DST: variants seen among roughly 807,000 people sequenced by gnomAD.
The protein encoded by DST is dystonin, also known as bullous pemphigoid antigen.
A neutral mutation model predicts 875.2 loss-of-function variants in DST; 253 were observed. The observed-to-expected ratio is 0.29, with a 90% CI of 0.26 to 0.32. DST has a LOEUF of 0.32. Among genes scored for constraint, DST ranks in the 10% least tolerant of loss-of-function variants. DST has a pLI of 1.00. For missense variants in DST, 8,287 were observed against 9,111.6 expected (o/e 0.91, Z 3.68); for synonymous variants, 3,124 against 3,197.1 (o/e 0.98, Z 0.77).
intron 69 of DST, among the ~76,000 whole-genome samples, chr6:56,521,593 C>A (rs1447256468): frequency 1.1e-5 from 1 of 91,842 alleles, no homozygotes; most frequent in African/African-American, 4.3e-5. Context: ...AACATTTGCT[C>A]TGCTAAGGAA....
intron 4 of DST, among the ~76,000 whole-genome samples, chr6:56,813,536 C>A (rs1296729233): frequency 6.6e-6 from 1 of 152,070 alleles, no homozygotes; most frequent in Non-Finnish European, 1.5e-5. Context: ...TATTCCAGTT[C>A]TTTTACCTAC....
intron 4 of DST, among the ~76,000 whole-genome samples, chr6:56,768,895 C>G (rs2099641701): frequency 6.6e-6 from 1 of 152,000 alleles, no homozygotes; most frequent in Non-Finnish European, 1.5e-5. Context: ...ATGGTGAAAC[C>G]CCATCTCTAC....
At chr6:56,544,525 AT>A (rs1362034200) in intron 61 of DST, among the ~76,000 whole-genome samples, 2 of 152,212 alleles carry the variant, frequency 1.3e-5, no homozygotes, top group Non-Finnish European at 2.9e-5. Flanking sequence ...ATTCAAAAAA[AT>A]AGCACTCACT....
intron 39 of DST, among the ~76,000 whole-genome samples, chr6:56,609,620 G>A (rs926499664): frequency 6.6e-6 from 1 of 152,162 alleles, no homozygotes; most frequent in Non-Finnish European, 1.5e-5. Context: ...CAAGGTTAGT[G>A]AGGACACAAC....
intron 4 of DST, chr6:56,842,918 G>A: frequency 1.2e-6 from 1 of 819,142 alleles, no homozygotes; most frequent in Non-Finnish European, 1.7e-6. Context: ...CGTGCAAAAA[G>A]ACCTGGTCCA....
intron 4 of DST, among the ~76,000 whole-genome samples, chr6:56,776,705 G>C (rs1046947675): frequency 1.3e-5 from 2 of 151,966 alleles, no homozygotes; most frequent in Non-Finnish European, 2.9e-5. Context: ...TGAAAAAGAG[G>C]ACTGCAGACT....
chr6:56,511,454 A>G, intron 72 of DST, 54 bp from the exon 73 acceptor site: 1 of 1,464,290 alleles, frequency 6.8e-7, no homozygotes, highest in Non-Finnish European at 9.3e-7. Context: ...TCCATATTAC[A>G]GCTGTCTACA....
chr6:56,627,800 G>C (rs2152752772), intron 33 of DST, among the ~76,000 whole-genome samples, 199 bp downstream of exon 33: 1 of 152,228 alleles, frequency 6.6e-6, no homozygotes, highest in South Asian at 2.1e-4. Context: ...GATTACCCAT[G>C]CTTTCAAAAA....
At chr6:56,841,720 A>G (rs572346945) in intron 4 of DST, among the ~76,000 whole-genome samples, 1 of 152,302 alleles carries the variant, frequency 6.6e-6, no homozygotes, top group African/African-American at 2.4e-5. Flanking sequence ...TTCTTCAATA[A>G]GGTTTGTTGG....
At position 56,745,416 on chromosome 6, in the gene DST, C is replaced by T. The variant is rs1473657868; in HGVS notation, c.626-10127G>A. Among the ~76,000 whole-genome samples, 3 of 152,114 alleles carry T rather than the reference C, an allele frequency of 2.0e-5. No homozygotes were observed. The East Asian group carries it at 5.8e-4, about 29-fold the overall frequency. On this transcript the variant is annotated intron_variant, in intron 4 of 103. Transcript: ENST00000680361. Reference sequence around the variant, plus strand: ...CAAGAGAAGTGTGGAAATAACAAGTCCAACACACAGCTACAGTAAAATCTT... The same window carrying T: ...CAAGAGAAGTGTGGAAATAACAAGTTCAACACACAGCTACAGTAAAATCTT...
rs1333130814 is a variant in DST at position 56,603,305 on chromosome 6, A to C, written c.11057T>G (p.Leu3686Trp). 2 of 1,611,116 alleles carry C rather than the reference A, an allele frequency of 1.2e-6. No individual in the cohort carries two copies. The highest frequency in any genetic ancestry group is 2.2e-5 in the South Asian group (2 of 90,910). ...CTTCAAACTCTGGTGGCTAATACTC[A>C]ATTCTTCAACATGGCCTCTGGGAAA... ...SDFPRGHVEE[L>W]SISHQSLKTA... is the part of the protein sequence containing the mutation. The change falls in exon 42 of 104, where the codon TTG (leucine) becomes TGG (tryptophan). Residue 3686 changes from leucine (L) to tryptophan (W), a missense_variant. Leu to Trp is a moderately conservative substitution (Grantham distance 61, BLOSUM62 -2). Coordinates refer to ENST00000680361, the MANE Select transcript of DST (RefSeq NM_001374736.1).
At chr6:56,803,618 A>G (rs2099749860) in intron 4 of DST, among the ~76,000 whole-genome samples, 1 of 152,196 alleles carries the variant, frequency 6.6e-6, no homozygotes, top group Admixed American at 6.5e-5. Context: ...ATGCTTTTCC[A>G]ACTCGTACAA....
intron 4 of DST, among the ~76,000 whole-genome samples, chr6:56,739,895 G>A (rs2099540289): frequency 6.6e-6 from 1 of 152,116 alleles, no homozygotes; most frequent in South Asian, 2.1e-4. Context: ...AGCCCTCAGG[G>A]CTGCTATGTC....
intron 5 of DST, among the ~76,000 whole-genome samples, chr6:56,704,573 GA>G (rs1160188814): frequency 1.3e-5 from 2 of 152,150 alleles, no homozygotes; most frequent in South Asian, 4.2e-4. Flanking sequence ...AATAATTCAA[GA>G]AGACAATTCA....
chr6:56,608,381 T>G lies in DST; in HGVS notation c.6247A>C (p.Thr2083Pro). The change falls in exon 40 of 104, where the codon ACA becomes CCA. Residue 2083 changes from threonine (T) to proline (P), a missense_variant. Physicochemically the swap from Thr to Pro is conservative, Grantham distance 38. Around this residue, in one of 10 missense-constraint regions of DST, gnomAD observed 3,138 missense variants for 3,116.6 expected, o/e 1.01. Coordinates refer to ENST00000680361, the MANE Select transcript of DST (RefSeq NM_001374736.1). The part of the protein sequence containing the change: ...IWPHSGEIFP[T>P]SSSLQQELIT... ...AATTCTTGCTGCAAGGAAGATGATGTGGGAAATATTTCACCAGAATGGGGC... is the reference window on the plus strand; with the variant it reads ...AATTCTTGCTGCAAGGAAGATGATGGGGGAAATATTTCACCAGAATGGGGC... The G allele has an allele frequency of 2.5e-6, 4 of 1,613,116 alleles. No homozygotes were observed. The highest frequency in any genetic ancestry group is 3.4e-6 in the Non-Finnish European group (4 of 1,179,800).
chr6:56,685,995 T>C (rs2099183611), intron 9 of DST, among the ~76,000 whole-genome samples: 1 of 152,220 alleles, frequency 6.6e-6, no homozygotes, highest in Non-Finnish European at 1.5e-5. Flanking sequence ...TGCACTCGTA[T>C]GTTTATCACA....
chr6:56,944,510 G>C (rs903735795), intron 2 of DST, among the ~76,000 whole-genome samples: 1 of 152,100 alleles, frequency 6.6e-6, no homozygotes, highest in African/African-American at 2.4e-5. Flanking sequence ...TGAGAAAAGA[G>C]AGGAAAGAAA....
At position 56,555,617 on chromosome 6, in the gene DST, A is replaced by T; in HGVS notation, c.14864T>A (p.Leu4955Gln). 1 of 1,614,026 alleles carries T rather than the reference A, an allele frequency of 6.2e-7. No homozygotes were observed. Among genetic ancestry groups the T allele is most frequent in the Non-Finnish European group, 8.5e-7 (1 of 1,179,904 alleles). ...AIVKSTQYQS[L>Q]LRSLSDKLSD... ...CAGTTTATCAGAAAGGCTTCTCAGC[A>T]GGCTTTGATACTGTGTGCTTTTAAC... Residue 4955 changes from leucine (L) to glutamine (Q), a missense_variant, in exon 60 of 104, where the codon CTG becomes CAG. Leu to Gln is a moderately radical substitution (Grantham distance 113, BLOSUM62 -2). Coordinates refer to ENST00000680361, the MANE Select transcript of DST (RefSeq NM_001374736.1).
At chr6:56,623,190 T>C (rs180713114) in intron 36 of DST, among the ~76,000 whole-genome samples, 15 of 152,338 alleles carry the variant, frequency 9.8e-5, no homozygotes, top group Admixed American at 2.6e-4. Context: ...TAAAATATTT[T>C]TTGTTTCTAT....
Sources: gnomAD v4.1 joint callset for allele counts (sites outside exome capture counted in the v4.1 genomes callset) on GRCh38, gnomAD v4.1.1 for gene constraint, gnomAD v4.1.1 regional missense constraint, MANE v1.5 for transcripts, NCBI Gene and HGNC (gene_info 2026-07-23, HGNC 2026-07-21) for gene names.